INKA2: variants seen among roughly 807,000 people sequenced by gnomAD.
INKA2 encodes the protein PAK4-inhibitor INKA2.
A neutral mutation model predicts 9.8 loss-of-function variants in INKA2; 3 were observed. The observed-to-expected ratio is 0.31, with a 90% CI of 0.14 to 0.79. INKA2 has a LOEUF of 0.79. Among genes scored for constraint, INKA2 ranks in the 30% least tolerant of loss-of-function variants. The probability of loss-of-function intolerance (pLI) is 0.62; values close to 1 mark genes in which losing one functional copy is unlikely to be tolerated. For missense variants in INKA2, 392 were observed against 384.4 expected (o/e 1.02, Z -0.17); for synonymous variants, 147 against 143.3 (o/e 1.03, Z -0.18).
chr1:111,745,322 G>A (rs1663250474), intron 1 of INKA2: 1 of 104,508 alleles, frequency 9.6e-6, no homozygotes, highest in Non-Finnish European at 1.9e-5. Context: ...TTTGAGACAG[G>A]GTCTCACTCT....
chr1:111,747,178 A>G (rs1663292885), intron 1 of INKA2: 2 of 152,184 alleles, frequency 1.3e-5, no homozygotes, highest in African/African-American at 4.8e-5. Context: ...AGGGGAATCC[A>G]ACTCCTTGCC....
At chr1:111,733,141 A>C (rs1370330575) in intron 1 of INKA2, among the ~76,000 whole-genome samples, 1 of 152,126 alleles carries the variant, frequency 6.6e-6, no homozygotes, top group Non-Finnish European at 1.5e-5. Flanking sequence ...GACCTCCTTC[A>C]TGATTTTCAC....
rs1662773054 is a variant in INKA2 at position 111,726,487 on chromosome 1, C to T, written c.*481G>A. The T allele has an allele frequency of 5.1e-6, 1 of 194,876 alleles. No individual in the cohort carries two copies. The highest frequency in any genetic ancestry group is 1.0e-5 in the Non-Finnish European group (1 of 96,430). The allele number at this position is 194,876 out of a possible 1,614,324, so 12.1% of individuals were successfully genotyped here. A position where few individuals can be genotyped will look rare whatever the true frequency, so the allele number is the denominator to read the frequency against. ...CCCTGTGCCTGGAGCAATGTCTTGC[C>T]AAAGAAGCTGACAGAAGGTTGGGAG... On this transcript the variant is annotated 3_prime_UTR_variant, in exon 2 of 2. Transcript: ENST00000357260.
At position 111,727,124 on chromosome 1, in the gene INKA2, C is replaced by T; in HGVS notation, c.738G>A (p.Gln246=). The change falls in exon 2 of 2, where the codon CAG becomes CAA. Residue 246 remains glutamine, a synonymous_variant. Transcript: ENST00000357260. The part of the protein sequence containing the change: ...MVPESRTGRS[Q]KVKKRSLSKG... ...TGGAAAGGCTCCGCTTCTTGACCTT[C>T]TGTGAGCGGCCGGTTCGGGACTCAG... 1 of 1,614,262 alleles carries T rather than the reference C, an allele frequency of 6.2e-7. No homozygotes were observed. The highest frequency in any genetic ancestry group is 8.5e-7 in the Non-Finnish European group (1 of 1,180,048).
In INKA2 at chr1:111,723,237, C is replaced by T; in HGVS notation, c.*3731G>A. ...TGACTTGGGAAAGATGGAGGAGCCT[C>T]TCCCCAACAAGGCCCTAGGGAGGAG... On this transcript the variant is annotated 3_prime_UTR_variant, in exon 2 of 2. Transcript: ENST00000357260. 1 of 597,692 alleles carries T rather than the reference C, an allele frequency of 1.7e-6. No homozygotes were observed. Among genetic ancestry groups the T allele is most frequent in the South Asian group, 2.0e-5 (1 of 51,074 alleles). The allele number at this position is 597,692 out of a possible 1,614,324, so 37.0% of individuals were successfully genotyped here.
chr1:111,736,609 A>G (rs1427666924), intron 1 of INKA2, among the ~76,000 whole-genome samples: 1 of 152,276 alleles, frequency 6.6e-6, no homozygotes, highest in Admixed American at 6.5e-5. Context: ...GACCAGTATT[A>G]CAGGAGGCCA....
Position 111,733,060 on chromosome 1 carries a change from A to G in INKA2, c.58-5256T>C, listed in dbSNP as rs566494859. On this transcript the variant is annotated intron_variant, in intron 1 of 1. Transcript: ENST00000357260. ...GGCCAGGTAGGTGGAGATATCCCCA[A>G]GTAATGGATTAGGTAACCAGGGGCT... Among the ~76,000 whole-genome samples, 9 of 152,304 alleles carry G rather than the reference A, an allele frequency of 5.9e-5. No homozygotes were observed. In the South Asian group the frequency reaches 1.7e-3, roughly 28 times the overall value.
At chr1:111,735,532 T>C (rs1056708136) in intron 1 of INKA2, among the ~76,000 whole-genome samples, 3 of 152,336 alleles carry the variant, frequency 2.0e-5, no homozygotes, top group African/African-American at 7.2e-5. Context: ...GGATTTGAAC[T>C]GAAGTTGGCC....
rs994107671 is a variant in INKA2, at chr1:111,722,829, C to T, written c.*4139G>A. 2.1e-6 allele frequency: 1 copy of T among 472,622 alleles called. No individual in the cohort carries two copies. Among genetic ancestry groups the T allele is most frequent in the Middle Eastern group, 5.2e-4 (1 of 1,940 alleles). 29.3% of individuals were successfully genotyped at this position (472,622 alleles called of 1,614,324 possible). A position where few individuals can be genotyped will look rare whatever the true frequency, so the allele number is the denominator to read the frequency against. On this transcript the variant is annotated 3_prime_UTR_variant, in exon 2 of 2. Transcript: ENST00000357260. ...CAGAGAAAGCACTTTTTCTTAAGCA[C>T]TTTTGCCTTGGGTCACATGGTTAGT...
chr1:111,738,317 T>C (rs1663050094), intron 1 of INKA2, among the ~76,000 whole-genome samples: 1 of 151,860 alleles, frequency 6.6e-6, no homozygotes, highest in Admixed American at 6.6e-5. Context: ...GGGGCAGTGG[T>C]ATATGAAGCC....
intron 1 of INKA2, among the ~76,000 whole-genome samples, chr1:111,748,619 G>C (rs1663324632): frequency 6.6e-6 from 1 of 152,150 alleles, no homozygotes; most frequent in Admixed American, 6.5e-5. Context: ...GCAGGCTGAT[G>C]CTCTGCTTCT....
In INKA2 at chr1:111,724,051, T is replaced by C. The variant is rs1662709365; in HGVS notation, c.*2917A>G. 1 of 152,252 alleles carries C rather than the reference T, an allele frequency of 6.6e-6. No homozygotes were observed. Among genetic ancestry groups the C allele is most frequent in the African/African-American group, 2.4e-5 (1 of 41,446 alleles). 9.4% of individuals were successfully genotyped at this position (152,252 alleles called of 1,614,324 possible). On this transcript the variant is annotated 3_prime_UTR_variant, in exon 2 of 2. Coordinates refer to ENST00000357260, the MANE Select transcript of INKA2 (RefSeq NM_019099.5). ...AAGTTGCTTAACTTCTCTGAGCCTG[T>C]CCATGTAAAACAAGAGCAACTGCTT... is the stretch of plus-strand genomic sequence containing the variant.
At chr1:111,752,786 C>T (rs1985775) in intron 1 of INKA2, among the ~76,000 whole-genome samples, 2,747 of 151,202 alleles carry the variant, frequency 0.018, 65 homozygotes, top group African/African-American at 0.063. Flanking sequence ...CTCTGCTTCC[C>T]GGGTTCACGC....
chr1:111,727,277 G>T lies in INKA2; in HGVS notation c.585C>A (p.Gly195=). The part of the protein sequence containing the change: ...GGAREPKGEK[G]QPQELGRRFA... ...ACCTGCGGCCCAGCTCCTGGGGCTGGCCTTTCTCTCCTTTGGGTTCACGTG... is the reference window on the plus strand; with the variant it reads ...ACCTGCGGCCCAGCTCCTGGGGCTGTCCTTTCTCTCCTTTGGGTTCACGTG... Residue 195 remains glycine, a synonymous_variant, in exon 2 of 2, where the codon GGC becomes GGA. Coordinates refer to ENST00000357260, the MANE Select transcript of INKA2 (RefSeq NM_019099.5). 6.2e-7 allele frequency: 1 copy of T among 1,614,168 alleles called. No homozygotes were observed. Among genetic ancestry groups the T allele is most frequent in the Non-Finnish European group, 8.5e-7 (1 of 1,180,012 alleles).
Position 111,739,188 on chromosome 1 carries a change from G to A in INKA2, c.55C>T (p.Leu19=), listed in dbSNP as rs1244792336. The A allele has an allele frequency of 6.2e-7, 1 of 1,613,502 alleles. No homozygotes were observed. Among genetic ancestry groups the A allele is most frequent in the Non-Finnish European group, 8.5e-7 (1 of 1,179,628 alleles). ...CCCGGCGCCAGCTTCGCTCTTACCA[G>A]CTCCTGTTTGAGGCGACGGAGATAG... The part of the protein sequence containing the change: ...DCYLRRLKQE[L]MSMKEVGDGL... Residue 19 remains leucine (L), a splice_region_variant and synonymous_variant, in exon 1 of 2, where the codon CTG becomes TTG. Coordinates refer to ENST00000357260, the MANE Select transcript of INKA2 (RefSeq NM_019099.5).
chr1:111,732,017 C>T (rs755972127), intron 1 of INKA2, among the ~76,000 whole-genome samples: 3 of 152,124 alleles, frequency 2.0e-5, no homozygotes, highest in Non-Finnish European at 4.4e-5. Context: ...TCCAGGGTGC[C>T]GACACTGAAG....
chr1:111,739,539 C>A, upstream of INKA2: 1 of 836,328 alleles, frequency 1.2e-6, no homozygotes, highest in Non-Finnish European at 1.7e-6. Flanking sequence ...CGGACCCTAC[C>A]GCAGTGTTTG....
intron 1 of INKA2, among the ~76,000 whole-genome samples, chr1:111,729,834 G>T (rs923485409): frequency 3.3e-5 from 5 of 152,354 alleles, no homozygotes; most frequent in Non-Finnish European, 4.4e-5. Flanking sequence ...CCTGGCCCTG[G>T]GGGGGATGGG....
intron 1 of INKA2, among the ~76,000 whole-genome samples, chr1:111,731,643 C>T (rs1019797934): frequency 8.5e-5 from 13 of 152,190 alleles, no homozygotes; most frequent in Admixed American, 2.0e-4. Flanking sequence ...TAAGCTGCCG[C>T]GCCCAGCCAA....
Sources: allele counts gnomAD v4.1 joint callset (sites outside exome capture counted in the v4.1 genomes callset), GRCh38; gene constraint gnomAD v4.1.1; transcripts MANE v1.5; gene names NCBI Gene and HGNC (gene_info 2026-07-23, HGNC 2026-07-21).